The following TUBGCP2 variants were observed in gnomAD, a reference collection of about 807,000 sequenced individuals.
TUBGCP2 encodes the protein tubulin gamma complex component 2.
In TUBGCP2, 55 loss-of-function variants were observed where a neutral mutation model predicts 92.2. That is an observed-to-expected ratio of 0.60 (90% confidence interval 0.48 to 0.75). The LOEUF (loss-of-function observed/expected upper bound fraction) is 0.75. Among genes scored for constraint, TUBGCP2 ranks in the 30% least tolerant of loss-of-function variants. The probability of loss-of-function intolerance (pLI) is 0.00; values close to 1 mark genes in which losing one functional copy is unlikely to be tolerated. For missense variants in TUBGCP2, 1,093 were observed against 1,188.9 expected (o/e 0.92, Z 1.19); for synonymous variants, 533 against 505.2 (o/e 1.06, Z -0.74).
At chr10:133,303,949 G>A (rs180817819) in intron 1 of TUBGCP2, among the ~76,000 whole-genome samples, 4 of 152,358 alleles carry the variant, frequency 2.6e-5, no homozygotes, top group African/African-American at 7.2e-5. Context: ...CCACCCCTGG[G>A]TCAGGGGGCA....
At chr10:133,293,345 C>T in intron 6 of TUBGCP2, 107 bp from the exon 7 acceptor site, 1 of 1,364,466 alleles carries the variant, frequency 7.3e-7, no homozygotes, top group Non-Finnish European at 1.0e-6. Flanking sequence ...CTCACTTGAA[C>T]CCCACATCCC....
chr10:133,279,632 G>A lies in TUBGCP2; in HGVS notation c.*134C>T. 2 of 1,316,064 alleles carry A rather than the reference G, an allele frequency of 1.5e-6. No individual in the cohort carries two copies. The highest frequency in any genetic ancestry group is 3.0e-5 in the East Asian group (1 of 33,084). The allele number at this position is 1,316,064 out of a possible 1,614,324, so 81.5% of individuals were successfully genotyped here. ...AACCCAGCGCCTTGAGAAACAAAGTGAGCTGAGTCAATCATTCCTGCTTTA... is the reference window on the plus strand; with the variant it reads ...AACCCAGCGCCTTGAGAAACAAAGTAAGCTGAGTCAATCATTCCTGCTTTA... On this transcript the variant is annotated 3_prime_UTR_variant, in exon 18 of 18. Transcript: ENST00000252936.
intron 1 of TUBGCP2, among the ~76,000 whole-genome samples, chr10:133,307,299 T>A (rs531859506): frequency 5.3e-5 from 8 of 152,188 alleles, no homozygotes; most frequent in Non-Finnish European, 1.0e-4. Context: ...CAGGGACGCG[T>A]GCTGAGGGAA....
chr10:133,292,775 T>C (rs1847390085), intron 7 of TUBGCP2, 87 bp from the exon 8 acceptor site: 4 of 1,453,984 alleles, frequency 2.8e-6, no homozygotes, highest in South Asian at 1.3e-5. Context: ...CTCATGCTTC[T>C]CCAACCTTCT....
chr10:133,293,003 C>G (rs538265693), intron 7 of TUBGCP2, 36 bp downstream of exon 7: 2 of 1,602,968 alleles, frequency 1.2e-6, no homozygotes, highest in African/African-American at 1.3e-5. Flanking sequence ...CACCTGCCAC[C>G]CACCACTGCC....
chr10:133,297,544 G>A (rs1209859553), intron 5 of TUBGCP2: 1 of 377,098 alleles, frequency 2.7e-6, no homozygotes, highest in Non-Finnish European at 5.0e-6. Flanking sequence ...AGAGGCCTCT[G>A]AGAATACTGC....
chr10:133,294,355 C>T (rs1414217673), intron 5 of TUBGCP2, among the ~76,000 whole-genome samples: 1 of 152,316 alleles, frequency 6.6e-6, no homozygotes, highest in African/African-American at 2.4e-5. Context: ...GAGCACCAGA[C>T]GAAAGCAGGA....
chr10:133,300,945 T>C (rs1159714626), intron 2 of TUBGCP2, among the ~76,000 whole-genome samples: 1 of 139,350 alleles, frequency 7.2e-6, no homozygotes, highest in Non-Finnish European at 1.5e-5. Flanking sequence ...ATTGTATGCA[T>C]CTCACTGTGT....
chr10:133,279,675 CAG>C lies in TUBGCP2; in HGVS notation c.*89_*90del. The C allele has an allele frequency of 4.9e-6, 7 of 1,434,836 alleles. No homozygotes were observed. The highest frequency in any genetic ancestry group is 6.4e-6 in the Non-Finnish European group (7 of 1,090,182). 88.9% of individuals were successfully genotyped at this position (1,434,836 alleles called of 1,614,324 possible). On this transcript the variant is annotated 3_prime_UTR_variant, in exon 18 of 18. Coordinates refer to ENST00000252936, the MANE Select transcript of TUBGCP2 (RefSeq NM_006659.4). Reference sequence around the variant, plus strand: ...CTGCTTTATATTTAAACTGCAAAGACAGAACACAGAGCATTCGATTTGAAAAT... The same window carrying C: ...CTGCTTTATATTTAAACTGCAAAGACAACACAGAGCATTCGATTTGAAAAT...
At chr10:133,299,353 G>T in intron 4 of TUBGCP2, 74 bp downstream of exon 4, 1 of 1,325,638 alleles carries the variant, frequency 7.5e-7, no homozygotes, top group Non-Finnish European at 1.0e-6. Flanking sequence ...AGCACTGAGT[G>T]TGGGTGCCTG....
intron 1 of TUBGCP2, among the ~76,000 whole-genome samples, chr10:133,305,935 G>A (rs574874314): frequency 6.6e-6 from 1 of 152,352 alleles, no homozygotes; most frequent in African/African-American, 2.4e-5. Flanking sequence ...CCTGAACAAG[G>A]ACACGTCCTC....
rs1207369829 is a variant in TUBGCP2 at position 133,291,252 on chromosome 10, ATGTCCCTCCG to A, written c.1214+1237_1214+1246del. On this transcript the variant is annotated intron_variant, in intron 8 of 17. Coordinates refer to ENST00000252936, the MANE Select transcript of TUBGCP2 (RefSeq NM_006659.4). ...GCAGCACGCGCCCTCCGTGTCCCCC[ATGTCCCTCCG>A]TGTCCCCCATGTCCCTCCGTGTCCC... 2.6e-4 allele frequency among the ~76,000 whole-genome samples: 17 copies of A among 65,238 alleles called. No homozygotes were observed. The South Asian group carries it at 3.0e-3, about 12-fold the overall frequency. 42.8% of individuals were successfully genotyped at this position (65,238 alleles called of 152,430 possible). A position where few individuals can be genotyped will look rare whatever the true frequency, so the allele number is the denominator to read the frequency against.
At chr10:133,283,779 G>C in intron 14 of TUBGCP2, 103 bp downstream of exon 14, 1 of 1,537,098 alleles carries the variant, frequency 6.5e-7, no homozygotes, top group Non-Finnish European at 8.8e-7. Flanking sequence ...TGCCTCTCCT[G>C]CACTCCCTGC....
intron 1 of TUBGCP2, among the ~76,000 whole-genome samples, chr10:133,303,320 G>A (rs1847724738): frequency 6.6e-6 from 1 of 152,252 alleles, no homozygotes; most frequent in Non-Finnish European, 1.5e-5. Flanking sequence ...CAGCCTCTCA[G>A]AGGGTCCTCT....
intron 2 of TUBGCP2, chr10:133,301,700 C>CTTTTTTTTTTTTTTTTTTTTTT (rs71016439): frequency 4.6e-5 from 4 of 87,254 alleles, no homozygotes; most frequent in East Asian, 3.2e-4. Flanking sequence ...CAGTCCCTCC[C>CTTTTTTTTTTTTTTTTTTTTTT]TTTTTTTTTT....
chr10:133,292,573 G>C lies in TUBGCP2; in HGVS notation c.1140C>G (p.Thr380=). Residue 380 remains threonine, a synonymous_variant, in exon 8 of 18, where the codon ACC becomes ACG. Transcript: ENST00000252936. ...SQAQELCLYL[T]KAASAPYFEV... ...CGAAGTAGGGAGCACTGGCCGCCTTGGTTAGGTACAGGCATAGCTCCTGCG... is the reference window on the plus strand; with the variant it reads ...CGAAGTAGGGAGCACTGGCCGCCTTCGTTAGGTACAGGCATAGCTCCTGCG... The C allele has an allele frequency of 1.2e-6, 2 of 1,614,182 alleles. No homozygotes were observed. Among genetic ancestry groups the C allele is most frequent in the East Asian group, 2.2e-5 (1 of 44,878 alleles).
At chr10:133,307,588 T>C (rs1847855121) in intron 1 of TUBGCP2, among the ~76,000 whole-genome samples, 1 of 152,090 alleles carries the variant, frequency 6.6e-6, no homozygotes. Flanking sequence ...CTACCAAAAA[T>C]ACAAAAATTG....
At chr10:133,300,704 C>T (rs1254140862) in intron 2 of TUBGCP2, among the ~76,000 whole-genome samples, 1 of 150,586 alleles carries the variant, frequency 6.6e-6, no homozygotes, top group East Asian at 1.9e-4. Flanking sequence ...CTCAAACTCC[C>T]AGGCTCAAGC....
Position 133,285,752 on chromosome 10 carries a change from A to C in TUBGCP2, c.1723-124T>G. ...TAAGGTTCCCTACATTCCGATTCTA[A>C]ATATCAGAGGCTTTTCAAAAACCCA... On this transcript the variant is annotated intron_variant, in intron 11 of 17. Coordinates refer to ENST00000252936, the MANE Select transcript of TUBGCP2 (RefSeq NM_006659.4). This position sits in a 1 kb window ranked among gnomAD's most constrained non-coding sequence, Gnocchi z 6.8. The C allele has an allele frequency of 1.1e-6, 1 of 938,946 alleles. No individual in the cohort carries two copies. The highest frequency in any genetic ancestry group is 1.4e-6 in the Non-Finnish European group (1 of 690,540). The allele number at this position is 938,946 out of a possible 1,614,324, so 58.2% of individuals were successfully genotyped here.
Sources: gnomAD v4.1 joint callset for allele counts (sites outside exome capture counted in the v4.1 genomes callset) on GRCh38, gnomAD v4.1.1 for gene constraint, Gnocchi (gnomAD v3.1) non-coding constraint, MANE v1.5 for transcripts, NCBI Gene and HGNC (gene_info 2026-07-23, HGNC 2026-07-21) for gene names.